Variants in GRB10 observed in about 807,000 individuals in gnomAD.
GRB10 encodes the protein growth factor receptor-bound protein 10.
Under a neutral mutation model 80.9 loss-of-function variants are expected in GRB10, and 20 were observed. The observed-to-expected ratio is 0.25, with a 90% CI of 0.17 to 0.36. The LOEUF (loss-of-function observed/expected upper bound fraction) is 0.36, where lower values mean the gene tolerates loss of function less well. Among genes scored for constraint, GRB10 ranks in the 10% least tolerant of loss-of-function variants. GRB10 has a pLI of 1.00. For synonymous variants in GRB10, 291 were observed against 291.5 expected (o/e 1.00, Z 0.02); for missense variants, 548 against 747.7 (o/e 0.73, Z 3.12).
At chr7:50,791,203 A>C (rs1421117457) in intron 1 of GRB10, among the ~76,000 whole-genome samples, 2 of 152,246 alleles carry the variant, frequency 1.3e-5, no homozygotes, top group African/African-American at 4.8e-5. Flanking sequence ...CTACCACATC[A>C]AAACTCATGA....
intron 9 of GRB10, among the ~76,000 whole-genome samples, chr7:50,618,651 C>T (rs905245712): frequency 1.3e-5 from 2 of 152,196 alleles, no homozygotes; most frequent in African/African-American, 2.4e-5. Flanking sequence ...CAGCGAGTGC[C>T]CCAGGAGCTA....
At position 50,741,545 on chromosome 7, in the gene GRB10, T is replaced by G. The variant is rs188169964; in HGVS notation, c.-46-9177A>C. Among the ~76,000 whole-genome samples the G allele has an allele frequency of 2.9e-5, 4 of 140,168 alleles. No homozygotes were observed. The East Asian group carries it at 8.0e-4, about 28-fold the overall frequency. 92.0% of individuals were successfully genotyped at this position (140,168 alleles called of 152,430 possible). On this transcript the variant is annotated intron_variant, in intron 3 of 18. Transcript: ENST00000401949. ...TAAAGAAAACCAGAAATTAGGAACA[T>G]GTGTTTAAAAAAAAAAAAAAAAAAA...
chr7:50,691,211 T>C (rs2062774190), intron 5 of GRB10, among the ~76,000 whole-genome samples: 1 of 152,186 alleles, frequency 6.6e-6, no homozygotes, highest in South Asian at 2.1e-4. Context: ...GAAATCTTGG[T>C]TTGAGCCACT....
chr7:50,731,854 C>T (rs1402319159), intron 4 of GRB10, among the ~76,000 whole-genome samples: 1 of 152,180 alleles, frequency 6.6e-6, no homozygotes, highest in Non-Finnish European at 1.5e-5. Flanking sequence ...CTCCCTCACG[C>T]GTGAGCACAT....
At chr7:50,735,959 G>C (rs1374681616) in intron 3 of GRB10, among the ~76,000 whole-genome samples, 2 of 152,142 alleles carry the variant, frequency 1.3e-5, no homozygotes, top group Non-Finnish European at 2.9e-5. Context: ...TCTTGAAAAA[G>C]AACAACACGG....
At chr7:50,680,506 C>T (rs555915764) in intron 5 of GRB10, among the ~76,000 whole-genome samples, 17 of 152,296 alleles carry the variant, frequency 1.1e-4, no homozygotes, top group South Asian at 2.1e-4. Context: ...GCAAAAGAGT[C>T]GTGGCCTATG....
intron 17 of GRB10, among the ~76,000 whole-genome samples, chr7:50,599,784 G>A (rs1314718984): frequency 2.0e-5 from 3 of 152,192 alleles, no homozygotes; most frequent in African/African-American, 7.2e-5. Flanking sequence ...AAACATGGCT[G>A]GGGGAAGCAA....
intron 7 of GRB10, among the ~76,000 whole-genome samples, chr7:50,629,328 T>TC (rs1563212894): frequency 1.3e-5 from 2 of 152,024 alleles, no homozygotes; most frequent in African/African-American, 4.8e-5. Flanking sequence ...TCCACAGCCA[T>TC]CCCCCCAAAG....
chr7:50,595,601 T>TGACA, intron 17 of GRB10, 71 bp from the exon 18 acceptor site: 27 of 556,324 alleles, frequency 4.9e-5, no homozygotes, highest in Non-Finnish European at 6.2e-5. Flanking sequence ...ACACACTCTC[T>TGACA]TACACACACA....
chr7:50,739,548 G>T (rs1029004721), intron 3 of GRB10, among the ~76,000 whole-genome samples: 1 of 152,142 alleles, frequency 6.6e-6, no homozygotes, highest in Non-Finnish European at 1.5e-5. Flanking sequence ...ACATGGCAAC[G>T]TACTAAGTGC....
intron 7 of GRB10, among the ~76,000 whole-genome samples, chr7:50,649,288 G>A (rs1024231289): frequency 2.6e-5 from 4 of 152,208 alleles, no homozygotes; most frequent in Admixed American, 6.5e-5. Context: ...AGGGAGGCTG[G>A]CCAGGGGCAC....
chr7:50,636,642 TAAATGGATGC>T (rs2055087545), intron 7 of GRB10, among the ~76,000 whole-genome samples: 1 of 152,044 alleles, frequency 6.6e-6, no homozygotes, highest in Non-Finnish European at 1.5e-5. Flanking sequence ...TATGATTATC[TAAATGGATGC>T]AGAAAAAGCA....
chr7:50,646,919 T>C (rs1274238489), intron 7 of GRB10, among the ~76,000 whole-genome samples: 1 of 152,140 alleles, frequency 6.6e-6, no homozygotes, highest in East Asian at 1.9e-4. Context: ...TGGGGCCAGA[T>C]AGGAACCCTG....
chr7:50,675,356 A>G (rs1048246340), intron 5 of GRB10, among the ~76,000 whole-genome samples: 1 of 152,224 alleles, frequency 6.6e-6, no homozygotes, highest in Non-Finnish European at 1.5e-5. Context: ...CGGAAAACGC[A>G]CTGTAGAAAG....
Position 50,674,578 on chromosome 7 carries a change from A to C in GRB10, c.220T>G (p.Ser74Ala), listed in dbSNP as rs764374497. The C allele has an allele frequency of 6.2e-7, 1 of 1,613,328 alleles. No homozygotes were observed. ...ESLYSACSMQ[S>A]DTVPLLQNGQ... is the part of the protein sequence containing the mutation. ...TTCTGCAGGAGGGGCACCGTGTCTGACTGCATGCTGCAGGCCGAGTACAGG... is the reference window on the plus strand; with the variant it reads ...TTCTGCAGGAGGGGCACCGTGTCTGCCTGCATGCTGCAGGCCGAGTACAGG... The change falls in exon 6 of 19, where the codon TCA becomes GCA. Residue 74 changes from serine to alanine, a missense_variant. By Grantham distance (99) the Ser-to-Ala change is moderately conservative. This residue lies in a region of GRB10 where 245 missense variants were observed against 229.3 expected (regional missense o/e 1.07). Coordinates refer to ENST00000401949, the MANE Select transcript of GRB10 (RefSeq NM_001350814.2).
At chr7:50,689,179 TC>T (rs1043870411) in intron 5 of GRB10, among the ~76,000 whole-genome samples, 8 of 151,852 alleles carry the variant, frequency 5.3e-5, no homozygotes, top group Non-Finnish European at 1.2e-4. Flanking sequence ...ATCTAGCTGA[TC>T]CCCCCCATCA....
intron 7 of GRB10, among the ~76,000 whole-genome samples, chr7:50,655,935 C>T (rs1224574934): frequency 6.6e-6 from 1 of 152,216 alleles, no homozygotes; most frequent in Non-Finnish European, 1.5e-5. Flanking sequence ...AATGTCCTGG[C>T]AGCATGTTGG....
intron 7 of GRB10, among the ~76,000 whole-genome samples, chr7:50,665,808 C>CA (rs771873144): frequency 3.3e-5 from 5 of 152,192 alleles, no homozygotes; most frequent in East Asian, 1.9e-4. Context: ...AGTGGGCTGT[C>CA]AGACGGTGAC....
At chr7:50,617,149 A>G (rs905578991) in intron 10 of GRB10, among the ~76,000 whole-genome samples, 1 of 152,230 alleles carries the variant, frequency 6.6e-6, no homozygotes, top group Non-Finnish European at 1.5e-5. Context: ...CACTGTGTAT[A>G]GGTGGTAACT....
Sources: allele counts gnomAD v4.1 joint callset (sites outside exome capture counted in the v4.1 genomes callset), GRCh38; gene constraint gnomAD v4.1.1; regional missense constraint gnomAD v4.1.1; transcripts MANE v1.5; gene names NCBI Gene and HGNC (gene_info 2026-07-23, HGNC 2026-07-21).